Variants in TNN observed in about 807,000 individuals in gnomAD.
TNN encodes tenascin N.
In TNN, 122 loss-of-function variants were observed where a neutral mutation model predicts 134.4. The observed-to-expected ratio is 0.91, with a 90% CI of 0.78 to 1.06. The LOEUF is 1.06. Among genes scored for constraint, TNN ranks in the 50% least tolerant of loss-of-function variants. The probability of loss-of-function intolerance (pLI) is 0.00; values close to 1 mark genes in which losing one functional copy is unlikely to be tolerated. For missense variants in TNN, 1,739 were observed against 1,699.4 expected (o/e 1.02, Z -0.41); for synonymous variants, 710 against 670.3 (o/e 1.06, Z -0.91).
intron 15 of TNN, among the ~76,000 whole-genome samples, chr1:175,129,144 A>T (rs1675612399): frequency 6.6e-6 from 1 of 152,190 alleles, no homozygotes; most frequent in Admixed American, 6.5e-5. Context: ...TCATGAGGGG[A>T]TGTGCTCTAT....
chr1:175,084,913 G>A (rs1268324660), intron 5 of TNN, among the ~76,000 whole-genome samples: 1 of 152,198 alleles, frequency 6.6e-6, no homozygotes, highest in Non-Finnish European at 1.5e-5. Context: ...GATCCCTTGA[G>A]CCCAGGAGGT....
intron 9 of TNN, among the ~76,000 whole-genome samples, chr1:175,108,644 G>A (rs184038384): frequency 1.3e-5 from 2 of 152,364 alleles, no homozygotes; most frequent in African/African-American, 4.8e-5. Flanking sequence ...CGAGCGTAGC[G>A]CCGGTGGGCT....
intron 15 of TNN, among the ~76,000 whole-genome samples, chr1:175,133,994 AAC>A (rs771907044): frequency 1.3e-5 from 2 of 152,140 alleles, no homozygotes; most frequent in Non-Finnish European, 2.9e-5. Context: ...TTTGGCTGCA[AAC>A]AGTCACATGG....
intron 1 of TNN, among the ~76,000 whole-genome samples, chr1:175,074,290 T>A (rs1435641240): frequency 6.6e-6 from 1 of 151,436 alleles, no homozygotes; most frequent in Non-Finnish European, 1.5e-5. Flanking sequence ...CGAGACCAGG[T>A]TGGGCAAGAT....
At chr1:175,074,045 C>T (rs1315447112) in intron 1 of TNN, among the ~76,000 whole-genome samples, 2 of 152,142 alleles carry the variant, frequency 1.3e-5, no homozygotes, top group African/African-American at 4.8e-5. Context: ...CCTCTCTCTG[C>T]CATGCAGCCT....
intron 9 of TNN, among the ~76,000 whole-genome samples, chr1:175,107,578 G>A (rs1674893125): frequency 6.8e-6 from 1 of 146,464 alleles, no homozygotes; most frequent in African/African-American, 2.5e-5. Flanking sequence ...CAAAGAGTGA[G>A]CAGTAGCAAG....
At chr1:175,143,247 CGAA>C (rs1272175642) in intron 17 of TNN, among the ~76,000 whole-genome samples, 7 of 152,212 alleles carry the variant, frequency 4.6e-5, no homozygotes, top group African/African-American at 1.7e-4. Context: ...AATGCACATG[CGAA>C]GAAGATCGCT....
In TNN at chr1:175,146,963, A is replaced by G. The variant is rs201917799; in HGVS notation, c.3792A>G (p.Glu1264=). The change falls in exon 19 of 19, where the codon GAA becomes GAG. Residue 1264 remains glutamate (E), a synonymous_variant. Coordinates refer to ENST00000239462, the MANE Select transcript of TNN (RefSeq NM_022093.2). ...GVNWEPWKGH[E]FSIPYVELKI... ...ACTGGGAGCCTTGGAAAGGACATGA[A>G]TTCTCCATTCCTTACGTGGAGTTGA... is the stretch of plus-strand genomic sequence containing the variant. 6.3e-7 allele frequency: 1 copy of G among 1,591,818 alleles called. No individual in the cohort carries two copies. The highest frequency in any genetic ancestry group is 8.6e-7 in the Non-Finnish European group (1 of 1,167,170).
At chr1:175,073,630 C>A (rs1183421175) in intron 1 of TNN, among the ~76,000 whole-genome samples, 3 of 152,234 alleles carry the variant, frequency 2.0e-5, no homozygotes, top group African/African-American at 4.8e-5. Flanking sequence ...CCTCCCTCCA[C>A]TTCTCTCTCC....
In TNN at chr1:175,123,351, T is replaced by C. The variant is rs750613460; in HGVS notation, c.2651-49T>C. ...CTGGTGATGAGGTGGTAAGATGCGA[T>C]GTCTTCCTTTGTTCTAAAGTTCAGC... On this transcript the variant is annotated intron_variant, in intron 11 of 18. Transcript: ENST00000239462. The C allele has an allele frequency of 3.1e-5, 50 of 1,595,660 alleles. No homozygotes were observed. The Admixed American group carries it at 8.5e-4, about 27-fold the overall frequency.
chr1:175,122,218 CAA>C (rs10636029), intron 11 of TNN, among the ~76,000 whole-genome samples: 1 of 144,624 alleles, frequency 6.9e-6, no homozygotes, highest in Non-Finnish European at 1.5e-5. Flanking sequence ...CCTGTCTTTA[CAA>C]AAAAAAAAAA....
At chr1:175,108,407 C>T (rs1031221858) in intron 9 of TNN, among the ~76,000 whole-genome samples, 43 of 152,264 alleles carry the variant, frequency 2.8e-4, no homozygotes, top group African/African-American at 9.6e-4. Flanking sequence ...GAGTGGATCC[C>T]GCACTGGGGC....
At chr1:175,105,323 C>T (rs1019926472) in intron 9 of TNN, among the ~76,000 whole-genome samples, 3 of 145,532 alleles carry the variant, frequency 2.1e-5, no homozygotes, top group South Asian at 2.3e-4. Context: ...AAATTCCCCT[C>T]CCCCTACAGC....
chr1:175,087,033 GGAA>G (rs1674336147), intron 6 of TNN, among the ~76,000 whole-genome samples: 2 of 152,198 alleles, frequency 1.3e-5, no homozygotes, highest in Non-Finnish European at 2.9e-5. Flanking sequence ...TGCCCAGCCA[GGAA>G]AGGACAGAGC....
chr1:175,128,614 C>A lies in TNN; in HGVS notation c.3198C>A (p.His1066Gln). 1 of 1,612,442 alleles carries A rather than the reference C, an allele frequency of 6.2e-7. No homozygotes were observed. The highest frequency in any genetic ancestry group is 8.5e-7 in the Non-Finnish European group (1 of 1,179,206). Residue 1066 changes from histidine to glutamine, a missense_variant, in exon 15 of 19, where the codon CAC (histidine) becomes CAA (glutamine). Physicochemically the swap from His to Gln is conservative, Grantham distance 24. Coordinates refer to ENST00000239462, the MANE Select transcript of TNN (RefSeq NM_022093.2). ...TCCCAGTTGGTGCCCGTTTCCCACACCCTTCGGACTGCAGTCAGGTTCAGC... is the reference window on the plus strand; with the variant it reads ...TCCCAGTTGGTGCCCGTTTCCCACAACCTTCGGACTGCAGTCAGGTTCAGC... The part of the protein sequence containing the change: ...TLSTVGARFP[H>Q]PSDCSQVQQN...
intron 15 of TNN, among the ~76,000 whole-genome samples, chr1:175,131,419 A>G (rs1675670231): frequency 6.6e-6 from 1 of 152,138 alleles, no homozygotes; most frequent in African/African-American, 2.4e-5. Flanking sequence ...CCAGACACAA[A>G]GAGGTTTCTT....
chr1:175,094,794 T>C (rs941566788), intron 7 of TNN, among the ~76,000 whole-genome samples: 1 of 152,240 alleles, frequency 6.6e-6, no homozygotes, highest in African/African-American at 2.4e-5. Context: ...TACTGGGACA[T>C]AGCCCAGCCA....
In TNN at chr1:175,097,644, G is replaced by C. The variant is rs749189677; in HGVS notation, c.1816G>C (p.Asp606His). 1 of 1,614,210 alleles carries C rather than the reference G, an allele frequency of 6.2e-7. No individual in the cohort carries two copies. The highest frequency in any genetic ancestry group is 1.7e-5 in the Admixed American group (1 of 60,020). Reference sequence around the variant, plus strand: ...AGTGCATGTCTGGGCCCAGAAGGGGGACCGAGAGAGCAAGAAGGCTGACAC... The same window carrying C: ...AGTGCATGTCTGGGCCCAGAAGGGGCACCGAGAGAGCAAGAAGGCTGACAC... ...YTVHVWAQKGDRESKKADTNA... is the reference protein window; with the variant it reads ...YTVHVWAQKGHRESKKADTNA... Residue 606 changes from aspartate to histidine, a missense_variant, in exon 8 of 19, where the codon GAC becomes CAC. Transcript: ENST00000239462.
At chr1:175,073,272 G>C (rs1490321216) in intron 1 of TNN, among the ~76,000 whole-genome samples, 2 of 152,170 alleles carry the variant, frequency 1.3e-5, no homozygotes, top group African/African-American at 4.8e-5. Flanking sequence ...ATGCCACTGA[G>C]CCTCAGTTCC....
Sources: allele counts gnomAD v4.1 joint callset (sites outside exome capture counted in the v4.1 genomes callset), GRCh38; gene constraint gnomAD v4.1.1; transcripts MANE v1.5; gene names NCBI Gene and HGNC (gene_info 2026-07-23, HGNC 2026-07-21).